Variants in SP100 observed in about 807,000 individuals in gnomAD.
SP100 encodes the protein nuclear autoantigen Sp-100.
A neutral mutation model predicts 130.0 loss-of-function variants in SP100; 84 were observed. The ratio of observed to expected loss-of-function variants is 0.65; its 90% confidence interval spans 0.54 to 0.77. The LOEUF is 0.77. Ranked by LOEUF, SP100 falls within the 30% of genes least tolerant of loss-of-function variation. The pLI is 0.00. For missense variants in SP100, 978 were observed against 1,052.2 expected, an observed-to-expected ratio of 0.93 and a Z score of 0.97; for synonymous variants, 331 against 351.7, an observed-to-expected ratio of 0.94 and a Z score of 0.66.
intron 2 of SP100, among the ~76,000 whole-genome samples, chr2:230,420,650 AT>A (rs1474107772): frequency 1.3e-5 from 2 of 152,062 alleles, no homozygotes; most frequent in Admixed American, 1.3e-4. Context: ...GAATTGTATC[AT>A]TTTTCTCTTT....
intron 24 of SP100, among the ~76,000 whole-genome samples, chr2:230,512,276 C>CTTTTTT (rs34753799): frequency 3.9e-5 from 3 of 76,108 alleles, no homozygotes; most frequent in Non-Finnish European, 7.2e-5. Context: ...ATTGAAATGC[C>CTTTTTT]TTTTTTTTTT....
intron 15 of SP100, among the ~76,000 whole-genome samples, chr2:230,472,599 G>C (rs2149998196): frequency 6.6e-6 from 1 of 152,170 alleles, no homozygotes; most frequent in Admixed American, 6.5e-5. Flanking sequence ...AGGGTGATGA[G>C]TGGTGTAAAA....
At chr2:230,519,970 T>C (rs1371620550) in intron 24 of SP100, among the ~76,000 whole-genome samples, 1 of 152,210 alleles carries the variant, frequency 6.6e-6, no homozygotes, top group Non-Finnish European at 1.5e-5. Flanking sequence ...ACCCTGAGTC[T>C]TAGAAGACAT....
At chr2:230,483,680 G>A (rs2065935895) in intron 17 of SP100, among the ~76,000 whole-genome samples, 1 of 152,172 alleles carries the variant, frequency 6.6e-6, no homozygotes, top group South Asian at 2.1e-4. Context: ...TAAGTTGGTA[G>A]CAGTGGAAGC....
chr2:230,535,276 G>A (rs1691884372), intron 24 of SP100, among the ~76,000 whole-genome samples: 3 of 152,108 alleles, frequency 2.0e-5, no homozygotes, highest in Admixed American at 1.3e-4. Context: ...ACTTTTGAAT[G>A]TAGGTTTCTG....
At chr2:230,530,008 G>A (rs1478134480) in intron 24 of SP100, among the ~76,000 whole-genome samples, 2 of 152,082 alleles carry the variant, frequency 1.3e-5, no homozygotes, top group East Asian at 1.9e-4. Flanking sequence ...TACTGCCCAA[G>A]GTAATTTATA....
chr2:230,453,275 C>G (rs769997101), intron 8 of SP100, among the ~76,000 whole-genome samples: 1 of 152,212 alleles, frequency 6.6e-6, no homozygotes, highest in Non-Finnish European at 1.5e-5. Context: ...GCCCCCATGA[C>G]TCAATTACCT....
intron 17 of SP100, among the ~76,000 whole-genome samples, chr2:230,486,072 A>C (rs200557293): frequency 0.014 from 1 of 74 alleles, no homozygotes; most frequent in African/African-American, 0.071. Flanking sequence ...AATTTATTTT[A>C]AAAAAAAGAG....
intron 28 of SP100, among the ~76,000 whole-genome samples, chr2:230,542,516 T>TA (rs1317428281): frequency 3.3e-5 from 5 of 152,200 alleles, no homozygotes; most frequent in African/African-American, 1.2e-4. Context: ...AAGACATTAT[T>TA]AAATGGCCTT....
chr2:230,450,144 T>G lies in SP100; in HGVS notation c.737-28T>G, dbSNP rs1317693963. 3.3e-6 allele frequency: 5 copies of G among 1,532,994 alleles called. No individual in the cohort carries two copies. In the African/African-American group the frequency reaches 6.8e-5, roughly 21 times the overall value. 95.0% of individuals were successfully genotyped at this position (1,532,994 alleles called of 1,614,324 possible). A position where few individuals can be genotyped will look rare whatever the true frequency, so the allele number is the denominator to read the frequency against. On this transcript the variant is annotated intron_variant, in intron 7 of 28. Transcript: ENST00000340126. ...CAGGACAGAGCAAGGCTCTACTGGA[T>G]CTCAGCTGTGATCTCGTTTATCTCC...
At chr2:230,433,215 T>A (rs960043480) in intron 2 of SP100, among the ~76,000 whole-genome samples, 1 of 152,236 alleles carries the variant, frequency 6.6e-6, no homozygotes, top group Admixed American at 6.5e-5. Context: ...TATTTTTGCA[T>A]GTGCCTATCC....
At chr2:230,492,896 C>T (rs1347709523) in intron 17 of SP100, among the ~76,000 whole-genome samples, 1 of 152,178 alleles carries the variant, frequency 6.6e-6, no homozygotes, top group East Asian at 1.9e-4. Flanking sequence ...TCTCCACTCT[C>T]CCATGGCATT....
chr2:230,534,461 C>A (rs1406715590), intron 24 of SP100, among the ~76,000 whole-genome samples: 2 of 152,192 alleles, frequency 1.3e-5, no homozygotes, highest in Non-Finnish European at 2.9e-5. Context: ...ACCTGTGATC[C>A]TATTTTGTAA....
chr2:230,516,532 G>T (rs1371026511), intron 24 of SP100: 1 of 152,148 alleles, frequency 6.6e-6, no homozygotes, highest in Admixed American at 6.5e-5. Flanking sequence ...CATCAATTTA[G>T]TCTCATGTAA....
intron 17 of SP100, among the ~76,000 whole-genome samples, chr2:230,475,260 T>A (rs2150004065): frequency 6.6e-6 from 1 of 152,334 alleles, no homozygotes; most frequent in Non-Finnish European, 1.5e-5. Context: ...TATCTCACTG[T>A]GATTCTGATT....
At chr2:230,467,045 T>C in intron 12 of SP100, 75 bp from the exon 13 acceptor site, 1 of 1,033,368 alleles carries the variant, frequency 9.7e-7, no homozygotes. Context: ...AGTTTCCTTT[T>C]CATAGAATAT....
At chr2:230,470,210 A>G in intron 15 of SP100, 112 bp downstream of exon 15, 1 of 1,402,268 alleles carries the variant, frequency 7.1e-7, no homozygotes, top group Non-Finnish European at 9.3e-7. Context: ...CCTTGTATCC[A>G]GTTCATCTGG....
chr2:230,440,506 A>G (rs2063435849), intron 2 of SP100: 4 of 1,294,276 alleles, frequency 3.1e-6, no homozygotes, highest in African/African-American at 3.1e-5. Context: ...TTAATGAAAG[A>G]TGTACATGAC....
intron 24 of SP100, chr2:230,520,446 T>C (rs1691118986): frequency 6.6e-6 from 1 of 152,152 alleles, no homozygotes; most frequent in South Asian, 2.1e-4. Flanking sequence ...AAAACTCCTG[T>C]CTAGCCAAGG....
Sources: gnomAD v4.1 joint callset for allele counts (sites outside exome capture counted in the v4.1 genomes callset) on GRCh38, gnomAD v4.1.1 for gene constraint, MANE v1.5 for transcripts, NCBI Gene and HGNC (gene_info 2026-07-23, HGNC 2026-07-21) for gene names.